Variants in NCKAP5 observed in about 807,000 individuals in gnomAD.
NCKAP5 encodes the protein nck-associated protein 5.
In NCKAP5, 92 loss-of-function variants were observed where a neutral mutation model predicts 167.0. That is an observed-to-expected ratio of 0.55 (90% CI 0.47 to 0.66). The LOEUF (loss-of-function observed/expected upper bound fraction) is 0.66, where lower values mean the gene tolerates loss of function less well. Ranked by LOEUF, NCKAP5 falls within the 30% of genes least tolerant of loss-of-function variation. NCKAP5 has a pLI of 0.00. For synonymous variants in NCKAP5, 891 were observed against 877.4 expected, an observed-to-expected ratio of 1.02 and a Z score of -0.27; for missense variants, 2,378 against 2,315.0, an observed-to-expected ratio of 1.03 and a Z score of -0.56.
chr2:132,866,401 G>A (rs946995205), intron 10 of NCKAP5, among the ~76,000 whole-genome samples: 1 of 152,158 alleles, frequency 6.6e-6, no homozygotes, highest in Admixed American at 6.5e-5. Context: ...ATGATTTGGA[G>A]GCATCAAAGG....
At chr2:132,730,287 A>T (rs1690867367) in intron 17 of NCKAP5, among the ~76,000 whole-genome samples, 1 of 152,196 alleles carries the variant, frequency 6.6e-6, no homozygotes, top group African/African-American at 2.4e-5. Context: ...TGAGGTCAGG[A>T]GTTCAAGAAC....
intron 4 of NCKAP5, 111 bp from the exon 5 acceptor site, chr2:133,213,890 A>C: frequency 1.0e-6 from 1 of 953,208 alleles, no homozygotes; most frequent in Non-Finnish European, 1.7e-6. Flanking sequence ...TCCTTGGTTT[A>C]GCTCACTTCC....
At chr2:133,648,532 T>G in the NCKAP5 span, among the ~76,000 whole-genome samples, 5 of 152,132 alleles carry the variant, frequency 3.3e-5, no homozygotes, top group African/African-American at 9.7e-5. Context: ...CACTAATTTA[T>G]ATAGACTGAA....
chr2:132,729,588 T>G (rs1036300375), intron 17 of NCKAP5, among the ~76,000 whole-genome samples: 34 of 152,002 alleles, frequency 2.2e-4, no homozygotes, highest in African/African-American at 7.5e-4. Context: ...GCTCTGAGAG[T>G]CTGCAGTTCT....
chr2:132,822,233 T>C (rs1337923204), intron 11 of NCKAP5, among the ~76,000 whole-genome samples: 1 of 152,212 alleles, frequency 6.6e-6, no homozygotes, highest in Non-Finnish European at 1.5e-5. Flanking sequence ...ACTTCACTGC[T>C]AGCATAACCA....
At chr2:133,647,434 A>AAGGGAAAGAAAGG in the NCKAP5 span, among the ~76,000 whole-genome samples, 112 of 91,812 alleles carry the variant, frequency 1.2e-3, 1 homozygote, top group Non-Finnish European at 1.5e-3. Flanking sequence ...AGAAAGGAAG[A>AAGGGAAAGAAAGG]AAGAAAGAAA....
At chr2:133,392,407 T>C (rs1396300537) in intron 3 of NCKAP5, among the ~76,000 whole-genome samples, 1 of 152,156 alleles carries the variant, frequency 6.6e-6, no homozygotes, top group African/African-American at 2.4e-5. Flanking sequence ...AATGACAAAA[T>C]AGCCCTAATG....
chr2:133,224,208 T>G (rs754460431), intron 4 of NCKAP5, among the ~76,000 whole-genome samples: 10 of 152,198 alleles, frequency 6.6e-5, no homozygotes, highest in Non-Finnish European at 1.5e-4. Flanking sequence ...ACTCATGCAG[T>G]CCATGAAGTA....
intron 6 of NCKAP5, among the ~76,000 whole-genome samples, chr2:133,045,853 A>G (rs2079381386): frequency 6.6e-6 from 1 of 152,164 alleles, no homozygotes; most frequent in South Asian, 2.1e-4. Context: ...GATGAGATGA[A>G]GAGAGGTGAA....
intron 3 of NCKAP5, among the ~76,000 whole-genome samples, chr2:133,445,745 A>C (rs1428519462): frequency 6.6e-6 from 1 of 152,116 alleles, no homozygotes; most frequent in African/African-American, 2.4e-5. Context: ...GTTCAGGTTG[A>C]GGGAGGGGAT....
At chr2:133,614,798 A>G in the NCKAP5 span, among the ~76,000 whole-genome samples, 420 of 151,396 alleles carry the variant, frequency 2.8e-3, 2 homozygotes, top group Non-Finnish European at 5.3e-3. Context: ...AATACAGAGA[A>G]TGCCACAAAG....
rs1044702303 is a variant in NCKAP5, at chr2:132,886,859, G to A, written c.580-7943C>T. Among the ~76,000 whole-genome samples, 6 of 152,126 alleles carry A rather than the reference G, an allele frequency of 3.9e-5. 1 individual carries two copies. The highest frequency in any genetic ancestry group is 5.9e-5 in the Non-Finnish European group (4 of 68,028). The stretch of plus-strand genomic sequence containing the variant: ...TCCAAAACTTTTTGAGAGCCAACAT[G>A]AATAAAGAAATGTGCAATAGAGTCT... On this transcript the variant is annotated intron_variant, in intron 8 of 19. Transcript: ENST00000409261.
intron 5 of NCKAP5, among the ~76,000 whole-genome samples, chr2:133,171,746 C>T (rs181011723): frequency 1.3e-5 from 2 of 152,336 alleles, no homozygotes; most frequent in African/African-American, 4.8e-5. Flanking sequence ...CCGTAGTTCT[C>T]ATATTCTGCA....
chr2:133,285,157 A>G (rs1346934074), intron 4 of NCKAP5, among the ~76,000 whole-genome samples: 6 of 152,176 alleles, frequency 3.9e-5, no homozygotes, highest in Admixed American at 3.9e-4. Flanking sequence ...CTTTCACCCA[A>G]TCTCAGCTCA....
At chr2:132,860,688 A>G (rs901561512) in intron 10 of NCKAP5, 77 bp from the exon 11 acceptor site, 12 of 1,445,222 alleles carry the variant, frequency 8.3e-6, no homozygotes, top group Non-Finnish European at 1.1e-5. Context: ...TATTTTATAT[A>G]TCTCAGATCA....
intron 5 of NCKAP5, 131 bp from the exon 6 acceptor site, chr2:133,130,242 G>T: frequency 1.0e-6 from 1 of 973,194 alleles, no homozygotes; most frequent in Non-Finnish European, 1.4e-6. Flanking sequence ...CACGAAGTAG[G>T]TCCTATTCTT....
At chr2:133,289,691 C>CA (rs1317275484) in intron 4 of NCKAP5, among the ~76,000 whole-genome samples, 4 of 148,168 alleles carry the variant, frequency 2.7e-5, no homozygotes, top group South Asian at 2.2e-4. Context: ...AGTCCGTCTC[C>CA]AAAAAAAATA....
intron 2 of NCKAP5, among the ~76,000 whole-genome samples, chr2:133,548,170 G>T (rs1455975772): frequency 7.3e-5 from 11 of 151,454 alleles, no homozygotes; most frequent in African/African-American, 2.2e-4. Context: ...AGAAGGGAAG[G>T]TTAGAGAAAA....
At chr2:132,679,415 T>G (rs1316722977) in intron 19 of NCKAP5, among the ~76,000 whole-genome samples, 1 of 152,100 alleles carries the variant, frequency 6.6e-6, no homozygotes, top group African/African-American at 2.4e-5. Flanking sequence ...CCTAGGAAGC[T>G]CCTTCCATGT....
Sources: allele counts gnomAD v4.1 joint callset (sites outside exome capture counted in the v4.1 genomes callset), GRCh38; gene constraint gnomAD v4.1.1; transcripts MANE v1.5; gene names NCBI Gene and HGNC (gene_info 2026-07-23, HGNC 2026-07-21).